Variants in ISL2 observed in about 807,000 individuals in gnomAD.
ISL2 encodes insulin gene enhancer protein ISL-2.
In ISL2, 17 loss-of-function variants were observed where a neutral mutation model predicts 34.6. The ratio of observed to expected loss-of-function variants is 0.49; its 90% confidence interval spans 0.34 to 0.74. ISL2 has a LOEUF of 0.74. Among genes scored for constraint, ISL2 ranks in the 30% least tolerant of loss-of-function variants. The pLI is 0.01. For synonymous variants in ISL2, 232 were observed against 225.5 expected, an observed-to-expected ratio of 1.03 and a Z score of -0.26; for missense variants, 469 against 515.2, an observed-to-expected ratio of 0.91 and a Z score of 0.87.
rs1448633697 is a variant in ISL2 at position 76,342,471 on chromosome 15, C to G, written c.*636C>G. 1 of 152,228 alleles carries G rather than the reference C, an allele frequency of 6.6e-6. No homozygotes were observed. Among genetic ancestry groups the G allele is most frequent in the Non-Finnish European group, 1.5e-5 (1 of 68,046 alleles). The allele number at this position is 152,228 out of a possible 1,614,324, so 9.4% of individuals were successfully genotyped here. A position where few individuals can be genotyped will look rare whatever the true frequency, so the allele number is the denominator to read the frequency against. On this transcript the variant is annotated 3_prime_UTR_variant, in exon 6 of 6. Coordinates refer to ENST00000290759, the MANE Select transcript of ISL2 (RefSeq NM_145805.3). ...TTTGATCTTAATAAAAAATAATAAC[C>G]CGGGGCGACGCCACTCCTCTGTGCT...
At chr15:76,339,254 CTG>C (rs1369899154) in intron 3 of ISL2, 4 of 985,222 alleles carry the variant, frequency 4.1e-6, no homozygotes, top group African/African-American at 1.7e-5. Context: ...CCTCTGGGTG[CTG>C]TGTGGCCTTG....
At chr15:76,341,443 G>T in intron 5 of ISL2, 142 bp downstream of exon 5, 1 of 829,742 alleles carries the variant, frequency 1.2e-6, no homozygotes, top group Non-Finnish European at 1.8e-6. Context: ...GGGAACAGTG[G>T]CGGGCTCTGA....
chr15:76,341,242 A>C lies in ISL2; in HGVS notation c.904A>C (p.Lys302Gln). ...GGTGCAGACGTACCAGCCGCCGTGG[A>C]AGGCGCTCAGCGAGTTTGCCCTCCA... is the stretch of plus-strand genomic sequence containing the variant. ...VEVQTYQPPWKALSEFALQSD... is the reference protein window; with the variant it reads ...VEVQTYQPPWQALSEFALQSD... Residue 302 changes from lysine to glutamine, a missense_variant, in exon 5 of 6, where the codon AAG becomes CAG. Coordinates refer to ENST00000290759, the MANE Select transcript of ISL2 (RefSeq NM_145805.3). The C allele has an allele frequency of 6.2e-7, 1 of 1,611,362 alleles. No homozygotes were observed. The highest frequency in any genetic ancestry group is 8.5e-7 in the Non-Finnish European group (1 of 1,179,240).
intron 2 of ISL2, 118 bp from the exon 3 acceptor site, chr15:76,338,134 T>C: frequency 1.4e-6 from 2 of 1,384,414 alleles, no homozygotes; most frequent in Non-Finnish European, 1.9e-6. Flanking sequence ...CGCAGGCGGG[T>C]CACCGCAGTC....
intron 4 of ISL2, 135 bp from the exon 5 acceptor site, chr15:76,340,999 G>A: frequency 3.4e-6 from 3 of 880,006 alleles, no homozygotes; most frequent in East Asian, 2.7e-5. Context: ...GGGCTCTTCC[G>A]ATGCGATCGA....
intron 3 of ISL2, 115 bp from the exon 4 acceptor site, chr15:76,340,161 C>G (rs1358746967): frequency 7.0e-6 from 10 of 1,430,158 alleles, no homozygotes; most frequent in Non-Finnish European, 9.1e-6. Context: ...ACGAAACAAA[C>G]AGAATAAAAC....
At chr15:76,339,594 C>T (rs978657002) in intron 3 of ISL2, 4 of 985,530 alleles carry the variant, frequency 4.1e-6, no homozygotes, top group African/African-American at 3.5e-5. Flanking sequence ...AGAGTGCCAG[C>T]GGCTGCTCAG....
chr15:76,338,885 G>A, intron 3 of ISL2: 1 of 985,444 alleles, frequency 1.0e-6, no homozygotes, highest in South Asian at 4.7e-5. Context: ...GTTATTGTCA[G>A]AGGGTAAGGT....
intron 5 of ISL2, 151 bp from the exon 6 acceptor site, chr15:76,341,568 C>T: frequency 1.4e-6 from 1 of 711,942 alleles, no homozygotes; most frequent in Non-Finnish European, 2.5e-6. Flanking sequence ...CCCCCTCGTG[C>T]GCCTGGGGAC....
intron 2 of ISL2, 41 bp downstream of exon 2, chr15:76,338,008 G>T: frequency 6.7e-7 from 1 of 1,492,650 alleles, no homozygotes. Context: ...CCGCGCGCAG[G>T]GGCCGGGGCC....
rs2040169256 is a variant in ISL2, at chr15:76,338,457, G to T, written c.454G>T (p.Ala152Ser). The T allele has an allele frequency of 2.1e-6, 3 of 1,423,006 alleles. No homozygotes were observed. Among genetic ancestry groups the T allele is most frequent in the Non-Finnish European group, 2.7e-6 (3 of 1,091,856 alleles). The allele number at this position is 1,423,006 out of a possible 1,614,324, so 88.1% of individuals were successfully genotyped here. ...DHGLLLERAA[A>S]GSPRSPGPLP... is the part of the protein sequence containing the mutation. ...CGGCCTCCTGCTCGAGCGCGCCGCGGCCGGCAGCCCGCGCAGCCCCGGCCC... is the reference window on the plus strand; with the variant it reads ...CGGCCTCCTGCTCGAGCGCGCCGCGTCCGGCAGCCCGCGCAGCCCCGGCCC... The change falls in exon 3 of 6, where the codon GCC becomes TCC. Residue 152 changes from alanine (A) to serine (S), a missense_variant. Coordinates refer to ENST00000290759, the MANE Select transcript of ISL2 (RefSeq NM_145805.3).
At chr15:76,339,864 C>T (rs905474892) in intron 3 of ISL2, 10 of 1,017,336 alleles carry the variant, frequency 9.8e-6, no homozygotes, top group Non-Finnish European at 1.2e-5. Context: ...GGGTCCACGT[C>T]GGTCCCTTTC....
chr15:76,341,364 G>C (rs572958670), intron 5 of ISL2, 63 bp downstream of exon 5: 1 of 1,486,652 alleles, frequency 6.7e-7, no homozygotes, highest in South Asian at 1.3e-5. Context: ...TAGCCACTTA[G>C]CCTGGCAGAG....
intron 5 of ISL2, among the ~76,000 whole-genome samples, 159 bp from the exon 6 acceptor site, chr15:76,341,560 C>G (rs1490992775): frequency 2.6e-5 from 4 of 152,252 alleles, no homozygotes; most frequent in South Asian, 2.1e-4. Context: ...CCTAATCCCC[C>G]CCTCGTGCGC....
At position 76,338,012 on chromosome 15, in the gene ISL2, C is replaced by G. The variant is rs1006107704; in HGVS notation, c.248+45C>G. On this transcript the variant is annotated intron_variant, in intron 2 of 5. Coordinates refer to ENST00000290759, the MANE Select transcript of ISL2 (RefSeq NM_145805.3). ...GGGCTGGGCCACCGCGCGCAGGGGC[C>G]GGGGCCGGGACTGGGGATGGCGGCC... 6.0e-6 allele frequency: 9 copies of G among 1,494,600 alleles called. No homozygotes were observed. The East Asian group carries it at 2.4e-4, about 40-fold the overall frequency. 92.6% of individuals were successfully genotyped at this position (1,494,600 alleles called of 1,614,324 possible).
rs2040192953 is a variant in ISL2 at position 76,341,403 on chromosome 15, G to GT, written c.963+102_963+103insT. On this transcript the variant is annotated intron_variant, in intron 5 of 5. Coordinates refer to ENST00000290759, the MANE Select transcript of ISL2 (RefSeq NM_145805.3). ...GGAGGGGGTGGCCTTGGGCTGAGGG[G>GT]CTGGGTACAGCCCTAGGCGGTGGGG... is the stretch of plus-strand genomic sequence containing the variant. 3.0e-5 allele frequency: 34 copies of GT among 1,149,476 alleles called. 1 individual carries two copies. In the South Asian group the frequency reaches 3.5e-4, roughly 12 times the overall value. The allele number at this position is 1,149,476 out of a possible 1,614,324, so 71.2% of individuals were successfully genotyped here. A position where few individuals can be genotyped will look rare whatever the true frequency, so the allele number is the denominator to read the frequency against.
chr15:76,338,491 G>T lies in ISL2; in HGVS notation c.488G>T (p.Gly163Val), dbSNP rs1275431852. ...GSPRSPGPLP[G>V]ARGLHLPDAG... Reference sequence around the variant, plus strand: ...CCGCGCAGCCCCGGCCCGCTTCCCGGCGCCCGCGGCCTGCATCTGCCCGGT... The same window carrying T: ...CCGCGCAGCCCCGGCCCGCTTCCCGTCGCCCGCGGCCTGCATCTGCCCGGT... The change falls in exon 3 of 6, where the codon GGC (glycine) becomes GTC (valine). Residue 163 changes from glycine to valine, a missense_variant. Physicochemically the swap from Gly to Val is moderately radical, Grantham distance 109. Transcript: ENST00000290759. 1 of 1,319,268 alleles carries T rather than the reference G, an allele frequency of 7.6e-7. No homozygotes were observed. Among genetic ancestry groups the T allele is most frequent in the Non-Finnish European group, 9.6e-7 (1 of 1,041,594 alleles). 81.7% of individuals were successfully genotyped at this position (1,319,268 alleles called of 1,614,324 possible).
At chr15:76,341,414 C>T in intron 5 of ISL2, 113 bp downstream of exon 5, 1 of 1,024,290 alleles carries the variant, frequency 9.8e-7, no homozygotes, top group Non-Finnish European at 1.4e-6. Flanking sequence ...CTGGGTACAG[C>T]CCTAGGCGGT....
intron 2 of ISL2, 130 bp from the exon 3 acceptor site, chr15:76,338,122 C>A: frequency 2.9e-6 from 4 of 1,365,816 alleles, no homozygotes; most frequent in South Asian, 1.6e-5. Context: ...CCCGGGAATG[C>A]CCGCAGGCGG....
Sources: gnomAD v4.1 joint callset for allele counts (sites outside exome capture counted in the v4.1 genomes callset) on GRCh38, gnomAD v4.1.1 for gene constraint, MANE v1.5 for transcripts, NCBI Gene and HGNC (gene_info 2026-07-23, HGNC 2026-07-21) for gene names.